MMS22L: variants seen among roughly 807,000 people sequenced by gnomAD.
MMS22L encodes the protein MMS22 like, DNA repair protein, also known as protein MMS22-like.
In MMS22L, 74 loss-of-function variants were observed where a neutral mutation model predicts 159.1. The ratio of observed to expected loss-of-function variants is 0.47; its 90% CI spans 0.39 to 0.56. The LOEUF (loss-of-function observed/expected upper bound fraction) is 0.56. Ranked by LOEUF, MMS22L falls within the 20% of genes least tolerant of loss-of-function variation. The pLI is 0.00. For missense variants in MMS22L, 1,351 were observed against 1,422.1 expected (o/e 0.95, Z 0.80); for synonymous variants, 517 against 506.9 (o/e 1.02, Z -0.27).
chr6:97,206,410 C>CACACACAT (rs1411850718), intron 14 of MMS22L, among the ~76,000 whole-genome samples: 6 of 149,650 alleles, frequency 4.0e-5, no homozygotes, highest in Admixed American at 4.0e-4. Flanking sequence ...CACACACACA[C>CACACACAT]TAGACCTTCA....
chr6:97,160,478 T>A (rs75252550), intron 22 of MMS22L, among the ~76,000 whole-genome samples: 2,236 of 152,156 alleles, frequency 0.015, 22 homozygotes, highest in Non-Finnish European at 0.021. Context: ...CAGCTGTTAA[T>A]CTTACTGGGG....
chr6:97,179,620 AG>A, intron 16 of MMS22L, 61 bp from the exon 17 acceptor site: 1 of 1,432,128 alleles, frequency 7.0e-7, no homozygotes, highest in Non-Finnish European at 9.3e-7. Flanking sequence ...ATAGAGATTA[AG>A]AAGTAAAGAA....
chr6:97,195,329 C>G (rs1456551854), intron 14 of MMS22L, among the ~76,000 whole-genome samples: 4 of 152,036 alleles, frequency 2.6e-5, no homozygotes, highest in Admixed American at 2.0e-4. Flanking sequence ...TGGCAGGGTT[C>G]CAGACCATGT....
At chr6:97,190,040 T>C (rs1201687790) in intron 14 of MMS22L, among the ~76,000 whole-genome samples, 1 of 152,154 alleles carries the variant, frequency 6.6e-6, no homozygotes, top group Non-Finnish European at 1.5e-5. Flanking sequence ...TGGTAATTTT[T>C]TAAAATCACA....
intron 9 of MMS22L, chr6:97,261,209 C>G (rs555640720): frequency 6.6e-6 from 1 of 150,962 alleles, no homozygotes; most frequent in South Asian, 2.1e-4. Flanking sequence ...TAGAGGTTTT[C>G]TGTTTTTAAA....
At chr6:97,246,823 C>G in intron 10 of MMS22L, 133 bp from the exon 11 acceptor site, 3 of 590,266 alleles carry the variant, frequency 5.1e-6, no homozygotes, top group Non-Finnish European at 8.7e-6. Context: ...TCTTGAATTT[C>G]TAATATTCCT....
At chr6:97,228,019 T>C (rs574268439) in intron 14 of MMS22L, among the ~76,000 whole-genome samples, 1 of 152,334 alleles carries the variant, frequency 6.6e-6, no homozygotes, top group Non-Finnish European at 1.5e-5. Context: ...CAGAGCAAAC[T>C]GGTTTATTTC....
At chr6:97,239,867 C>T (rs2128023180) in intron 11 of MMS22L, among the ~76,000 whole-genome samples, 1 of 152,310 alleles carries the variant, frequency 6.6e-6, no homozygotes, top group South Asian at 2.1e-4. Flanking sequence ...AACCACACCA[C>T]TGTACTCCAA....
chr6:97,190,119 A>C (rs1284737908), intron 14 of MMS22L, among the ~76,000 whole-genome samples: 1 of 152,230 alleles, frequency 6.6e-6, no homozygotes, highest in Admixed American at 6.5e-5. Context: ...ACCACTGCAT[A>C]TCTGCTGAAG....
chr6:97,242,622 T>C (rs1192669363), intron 11 of MMS22L, among the ~76,000 whole-genome samples: 1 of 152,204 alleles, frequency 6.6e-6, no homozygotes, highest in African/African-American at 2.4e-5. Context: ...TACTATTCTA[T>C]TCACTGTGGT....
At chr6:97,214,342 T>G (rs963665304) in intron 14 of MMS22L, among the ~76,000 whole-genome samples, 1 of 152,200 alleles carries the variant, frequency 6.6e-6, no homozygotes, top group African/African-American at 2.4e-5. Flanking sequence ...TTATGGTATA[T>G]CTACACAATG....
At chr6:97,171,164 C>T (rs1047857248) in intron 19 of MMS22L, among the ~76,000 whole-genome samples, 5 of 152,146 alleles carry the variant, frequency 3.3e-5, no homozygotes, top group African/African-American at 1.2e-4. Context: ...CAATCCAGCA[C>T]CTGATACATA....
chr6:97,278,722 C>T (rs938841794), intron 4 of MMS22L, 127 bp downstream of exon 4: 22 of 646,188 alleles, frequency 3.4e-5, no homozygotes, highest in Non-Finnish European at 4.8e-5. Flanking sequence ...ACACTAAATT[C>T]GTAAACTTCT....
chr6:97,252,624 G>A (rs1417576218), intron 10 of MMS22L, among the ~76,000 whole-genome samples: 2 of 147,422 alleles, frequency 1.4e-5, no homozygotes, highest in Non-Finnish European at 3.0e-5. Flanking sequence ...CAGCCTGGGT[G>A]ACAGAGTGAG....
chr6:97,267,907 C>T lies in MMS22L; in HGVS notation c.793G>A (p.Asp265Asn), dbSNP rs763444371. 8.5e-5 allele frequency: 137 copies of T among 1,607,928 alleles called. No homozygotes were observed. The highest frequency in any genetic ancestry group is 1.1e-4 in the Non-Finnish European group (132 of 1,178,156). ...CTGTTGAGTGACAGGCTTATTAAATCACAAAGGAGAGTTTCACAATGTTCT... is the reference window on the plus strand; with the variant it reads ...CTGTTGAGTGACAGGCTTATTAAATTACAAAGGAGAGTTTCACAATGTTCT... ...FEEHCETLLC[D>N]LISLSLNRYD... Residue 265 changes from aspartate to asparagine, a missense_variant, in exon 8 of 25, where the codon GAT becomes AAT. By Grantham distance (23) the Asp-to-Asn change is conservative. Coordinates refer to ENST00000683635, the MANE Select transcript of MMS22L (RefSeq NM_001350599.2).
At chr6:97,256,855 G>A (rs1006539699) in intron 9 of MMS22L, among the ~76,000 whole-genome samples, 1 of 152,162 alleles carries the variant, frequency 6.6e-6, no homozygotes, top group African/African-American at 2.4e-5. Flanking sequence ...TCTGAGACAG[G>A]AGGATCACTT....
At chr6:97,169,761 T>C (rs966024038) in intron 19 of MMS22L, among the ~76,000 whole-genome samples, 2 of 152,184 alleles carry the variant, frequency 1.3e-5, no homozygotes, top group African/African-American at 4.8e-5. Flanking sequence ...AAAACATTAA[T>C]ATACCTGTAA....
Position 97,231,533 on chromosome 6 carries a change from T to C in MMS22L, c.1422A>G (p.Leu474=), listed in dbSNP as rs1810865091. 1 of 1,613,714 alleles carries C rather than the reference T, an allele frequency of 6.2e-7. No individual in the cohort carries two copies. Among genetic ancestry groups the C allele is most frequent in the South Asian group, 1.1e-5 (1 of 91,070 alleles). ...TCCCDKQDQE[L]YKSSSSYTIF... ...TAGTATAACTACTGCTGGATTTATA[T>C]AGTTCCTGATCTTGTTTATCGCAAC... is the stretch of plus-strand genomic sequence containing the variant. The change falls in exon 13 of 25, where the codon CTA becomes CTG. Residue 474 remains leucine, a synonymous_variant. Transcript: ENST00000683635.
chr6:97,250,405 G>A (rs924745402), intron 10 of MMS22L, among the ~76,000 whole-genome samples: 6 of 152,110 alleles, frequency 3.9e-5, no homozygotes, highest in Non-Finnish European at 8.8e-5. Context: ...TCAAAGACGA[G>A]CATCAGCTAG....
Sources: allele counts gnomAD v4.1 joint callset (sites outside exome capture counted in the v4.1 genomes callset), GRCh38; gene constraint gnomAD v4.1.1; transcripts MANE v1.5; gene names NCBI Gene and HGNC (gene_info 2026-07-23, HGNC 2026-07-21).